Variants in ST3GAL3 observed in about 807,000 individuals in gnomAD.
ST3GAL3 encodes the protein CMP-N-acetylneuraminate-beta-1,4-galactoside alpha-2,3-sialyltransferase.
Under a neutral mutation model 50.1 loss-of-function variants are expected in ST3GAL3, and 21 were observed. The ratio of observed to expected loss-of-function variants is 0.42; its 90% CI spans 0.30 to 0.60. The LOEUF (loss-of-function observed/expected upper bound fraction) is 0.60. Ranked by LOEUF, ST3GAL3 falls within the 20% of genes least tolerant of loss-of-function variation. The probability of loss-of-function intolerance (pLI) is 0.19; values close to 1 mark genes in which losing one functional copy is unlikely to be tolerated. For synonymous variants in ST3GAL3, 183 were observed against 190.0 expected (o/e 0.96, Z 0.30); for missense variants, 353 against 489.4 (o/e 0.72, Z 2.63).
chr1:43,739,136 AT>A (rs1679738211), intron 2 of ST3GAL3: 1 of 152,126 alleles, frequency 6.6e-6, no homozygotes, highest in African/African-American at 2.4e-5. Context: ...CTTTAGCATT[AT>A]TTTTCCTTAA....
chr1:43,795,781 T>C (rs972647998), intron 3 of ST3GAL3, among the ~76,000 whole-genome samples: 1 of 152,136 alleles, frequency 6.6e-6, no homozygotes, highest in Non-Finnish European at 1.5e-5. Context: ...TCAGAATGCA[T>C]TTAATAGCAG....
At chr1:43,783,424 A>T (rs909458768) in intron 2 of ST3GAL3, among the ~76,000 whole-genome samples, 1 of 152,132 alleles carries the variant, frequency 6.6e-6, no homozygotes, top group African/African-American at 2.4e-5. Context: ...CCAAGCTCTG[A>T]CCAAGTCTGC....
intron 5 of ST3GAL3, chr1:43,851,421 A>G (rs1160337035): frequency 6.2e-7 from 1 of 1,611,808 alleles, no homozygotes; most frequent in African/African-American, 1.3e-5. Context: ...CTGTGGGTCC[A>G]GCTTATAGGC....
chr1:43,804,842 G>T lies in ST3GAL3; in HGVS notation c.167-10049G>T, dbSNP rs371937579. 2.0e-4 allele frequency among the ~76,000 whole-genome samples: 31 copies of T among 152,246 alleles called. No homozygotes were observed. The East Asian group carries it at 4.2e-3, about 21-fold the overall frequency. ...AGAAGGAGAGGGAGAGGAAGCCCCT[G>T]CTGCTGCCATCACTGCTACCACCAG... On this transcript the variant is annotated intron_variant, in intron 3 of 11. Transcript: ENST00000347631.
chr1:43,806,921 G>A (rs533055632), intron 3 of ST3GAL3, among the ~76,000 whole-genome samples: 1 of 152,186 alleles, frequency 6.6e-6, no homozygotes, highest in African/African-American at 2.4e-5. Context: ...ACACACCTGG[G>A]TTCAAGCGAT....
intron 3 of ST3GAL3, among the ~76,000 whole-genome samples, chr1:43,805,452 G>T (rs2059763517): frequency 6.6e-6 from 1 of 152,234 alleles, no homozygotes. Context: ...TGCATTGCAG[G>T]TTCATGAATA....
intron 2 of ST3GAL3, among the ~76,000 whole-genome samples, chr1:43,786,935 A>G (rs2057417563): frequency 6.6e-6 from 1 of 152,208 alleles, no homozygotes; most frequent in African/African-American, 2.4e-5. Context: ...TACACATGGT[A>G]ATTGGCTGAA....
chr1:43,759,431 G>A (rs1290761069), intron 2 of ST3GAL3, among the ~76,000 whole-genome samples: 3 of 152,168 alleles, frequency 2.0e-5, no homozygotes, highest in Non-Finnish European at 2.9e-5. Flanking sequence ...GTGACAGAGC[G>A]AGACTCCATC....
chr1:43,879,380 A>G (rs754413270), intron 5 of ST3GAL3: 6 of 456,050 alleles, frequency 1.3e-5, no homozygotes, highest in African/African-American at 1.0e-4. Context: ...GGTATGGTTG[A>G]TGATTTATCA....
chr1:43,813,860 G>GACAC (rs57947852), intron 3 of ST3GAL3, among the ~76,000 whole-genome samples: 79 of 144,630 alleles, frequency 5.5e-4, no homozygotes, highest in Admixed American at 9.0e-4. Flanking sequence ...TTTTTGGCTA[G>GACAC]ACACACACAC....
chr1:43,878,242 A>G (rs2074457545), intron 5 of ST3GAL3, among the ~76,000 whole-genome samples: 1 of 152,174 alleles, frequency 6.6e-6, no homozygotes, highest in Admixed American at 6.5e-5. Flanking sequence ...AGGATTCACA[A>G]TGGTGTTAGG....
At position 43,736,233 on chromosome 1, in the gene ST3GAL3, G is replaced by A. The variant is rs200604226; in HGVS notation, c.-30G>A. On this transcript the variant is annotated splice_region_variant and 5_prime_UTR_variant, in exon 2 of 12. Coordinates refer to ENST00000347631, the MANE Select transcript of ST3GAL3 (RefSeq NM_006279.5). ...AAGAACTAAACTTTTTCTTTTCTAG[G>A]TCATTTAGGAAATCGTAAATCATGT... The A allele has an allele frequency of 4.5e-4, 724 of 1,613,918 alleles. 3 individuals are homozygous for A. The highest frequency in any genetic ancestry group is 5.8e-4 in the Non-Finnish European group (685 of 1,179,844).
intron 9 of ST3GAL3, among the ~76,000 whole-genome samples, chr1:43,917,554 T>TAA (rs1195470667): frequency 3.4e-5 from 3 of 87,168 alleles, no homozygotes; most frequent in African/African-American, 1.5e-4. Flanking sequence ...GTATTATATA[T>TAA]AATATATTAT....
At chr1:43,715,587 A>T (rs942089813) in intron 1 of ST3GAL3, among the ~76,000 whole-genome samples, 1 of 151,862 alleles carries the variant, frequency 6.6e-6, no homozygotes, top group Non-Finnish European at 1.5e-5. Flanking sequence ...AAAAAAAAAA[A>T]AAGTTCAGCC....
At chr1:43,917,728 G>A (rs2082313942) in intron 9 of ST3GAL3, among the ~76,000 whole-genome samples, 1 of 133,858 alleles carries the variant, frequency 7.5e-6, no homozygotes, top group Non-Finnish European at 1.5e-5. Context: ...GAGTACAGTG[G>A]TGCCATCTCG....
At chr1:43,773,112 G>A (rs1465415628) in intron 2 of ST3GAL3, among the ~76,000 whole-genome samples, 2 of 152,160 alleles carry the variant, frequency 1.3e-5, no homozygotes, top group African/African-American at 4.8e-5. Flanking sequence ...TGAATGCTCT[G>A]ATAAGTGAGA....
Position 43,907,005 on chromosome 1 carries a change from T to C in ST3GAL3, c.744+7278T>C, listed in dbSNP as rs570935083. The stretch of plus-strand genomic sequence containing the variant: ...CCACCTACCTTCCTGGTTAGAATCC[T>C]CCATCAGTCAGCTCCTATCTGCCAT... On this transcript the variant is annotated intron_variant, in intron 9 of 11. Transcript: ENST00000347631. 4.9e-4 allele frequency among the ~76,000 whole-genome samples: 75 copies of C among 152,284 alleles called. No homozygotes were observed. The South Asian group carries it at 0.015, about 31-fold the overall frequency.
intron 5 of ST3GAL3, among the ~76,000 whole-genome samples, chr1:43,889,373 T>TA (rs1057085972): frequency 6.6e-6 from 1 of 152,196 alleles, no homozygotes; most frequent in Non-Finnish European, 1.5e-5. Flanking sequence ...TTTAATTGTG[T>TA]AACTAGGCAA....
chr1:43,770,292 G>A (rs1176956320), intron 2 of ST3GAL3, among the ~76,000 whole-genome samples: 1 of 150,316 alleles, frequency 6.7e-6, no homozygotes, highest in African/African-American at 2.5e-5. Context: ...GAATGAGTAG[G>A]GGAAGGAGTA....
Sources: gnomAD v4.1 joint callset for allele counts (sites outside exome capture counted in the v4.1 genomes callset) on GRCh38, gnomAD v4.1.1 for gene constraint, MANE v1.5 for transcripts, NCBI Gene and HGNC (gene_info 2026-07-23, HGNC 2026-07-21) for gene names.